XKR9: variants seen among roughly 807,000 people sequenced by gnomAD.
XKR9 encodes XK related 9.
In XKR9, 32 loss-of-function variants were observed where a neutral mutation model predicts 32.0. That is an observed-to-expected ratio of 1.00 (90% CI 0.76 to 1.34). The LOEUF is 1.34. Ranked by LOEUF, XKR9 falls within the 40% of genes most tolerant of loss-of-function variation. The probability of loss-of-function intolerance (pLI) is 0.00; values close to 1 mark genes in which losing one functional copy is unlikely to be tolerated. For missense variants in XKR9, 546 were observed against 429.7 expected (o/e 1.27, Z -2.39); for synonymous variants, 168 against 143.4 (o/e 1.17, Z -1.22).
chr8:71,054,750 A>G, the XKR9 span, among the ~76,000 whole-genome samples: 1 of 152,200 alleles, frequency 6.6e-6, no homozygotes, highest in Non-Finnish European at 1.5e-5. Flanking sequence ...ATTGAACTAA[A>G]GGGTTAAGTC....
In XKR9 at chr8:70,763,302, C is replaced by T. The variant is rs1807331954; in HGVS notation, n.353-26037C>T. The stretch of plus-strand genomic sequence containing the variant: ...AAAATATCGTGAGGCAGTGGCCTTG[C>T]TTACTTAGTTCACATGTTTGTGGAC... On this transcript the variant is annotated intron_variant and non_coding_transcript_variant, in intron 2 of 3. Coordinates refer to the XKR9 transcript ENST00000520273. 2.0e-5 allele frequency among the ~76,000 whole-genome samples: 3 copies of T among 152,256 alleles called. No homozygotes were observed. In the South Asian group the frequency reaches 6.2e-4, roughly 32 times the overall value.
the XKR9 span, among the ~76,000 whole-genome samples, chr8:71,001,109 G>A: frequency 1.4e-3 from 212 of 152,256 alleles, no homozygotes; most frequent in Admixed American, 1.9e-3. Flanking sequence ...ATGGATAGTG[G>A]ATCAAGCACA....
At chr8:70,965,440 A>G in the XKR9 span, among the ~76,000 whole-genome samples, 1 of 152,094 alleles carries the variant, frequency 6.6e-6, no homozygotes, top group African/African-American at 2.4e-5. Context: ...TCAGGTTTTG[A>G]TATCAGGATG....
At chr8:70,810,873 CA>C in the XKR9 span, among the ~76,000 whole-genome samples, 1 of 152,136 alleles carries the variant, frequency 6.6e-6, no homozygotes, top group African/African-American at 2.4e-5. Context: ...CAACATTAGA[CA>C]GATCAACGAG....
chr8:70,741,132 C>CTTTGTTT (rs1472948825), intron 2 of XKR9, among the ~76,000 whole-genome samples: 3 of 152,256 alleles, frequency 2.0e-5, no homozygotes, highest in African/African-American at 7.2e-5. Context: ...CCAGTTCGAG[C>CTTTGTTT]ATCTGGGCTG....
intron 3 of XKR9, among the ~76,000 whole-genome samples, chr8:70,691,918 A>C (rs1805084178): frequency 6.6e-6 from 1 of 152,106 alleles, no homozygotes; most frequent in African/African-American, 2.4e-5. Flanking sequence ...GTTCCATATA[A>C]ATTTTAAATA....
chr8:70,900,694 G>T, the XKR9 span, among the ~76,000 whole-genome samples: 5 of 152,082 alleles, frequency 3.3e-5, no homozygotes, highest in Non-Finnish European at 7.3e-5. Flanking sequence ...AAGTTCTAGG[G>T]TACATGGGTG....
chr8:70,828,859 A>G, the XKR9 span, among the ~76,000 whole-genome samples: 2 of 152,188 alleles, frequency 1.3e-5, no homozygotes, highest in African/African-American at 2.4e-5. Flanking sequence ...TCCTGAGAAT[A>G]AAGTCAAGTC....
At chr8:70,891,967 G>A in the XKR9 span, among the ~76,000 whole-genome samples, 3 of 151,940 alleles carry the variant, frequency 2.0e-5, no homozygotes, top group African/African-American at 7.2e-5. Context: ...ATTTACAATT[G>A]TTATATGCTT....
At chr8:71,013,817 G>A in the XKR9 span, among the ~76,000 whole-genome samples, 2 of 152,122 alleles carry the variant, frequency 1.3e-5, no homozygotes, top group African/African-American at 4.8e-5. Flanking sequence ...TGATGCTAAT[G>A]TGCTCTCCAA....
At chr8:70,869,345 G>A in the XKR9 span, among the ~76,000 whole-genome samples, 1 of 152,196 alleles carries the variant, frequency 6.6e-6, no homozygotes, top group African/African-American at 2.4e-5. Context: ...CATGGCTGGG[G>A]AGGCCTCATT....
In XKR9 at chr8:70,757,494, G is replaced by A. The variant is rs545870600; in HGVS notation, n.353-31845G>A. 3.2e-4 allele frequency among the ~76,000 whole-genome samples: 49 copies of A among 151,748 alleles called. 1 individual carries two copies. Among genetic ancestry groups the A allele is most frequent in the Middle Eastern group, 3.4e-3 (1 of 294 alleles). On this transcript the variant is annotated intron_variant and non_coding_transcript_variant, in intron 2 of 3. Transcript: ENST00000520273. ...CTTTTTAAAAAAATTTCTATTTATT[G>A]GTATTCTCTATTTGGTATAATATTG...
chr8:70,910,382 AG>A, the XKR9 span, among the ~76,000 whole-genome samples: 1 of 152,286 alleles, frequency 6.6e-6, no homozygotes, highest in East Asian at 1.9e-4. Context: ...CTCAAATCTC[AG>A]CTTTTCTACT....
chr8:70,720,009 C>T (rs1457940588), intron 4 of XKR9, among the ~76,000 whole-genome samples: 1 of 151,962 alleles, frequency 6.6e-6, no homozygotes, highest in Non-Finnish European at 1.5e-5. Flanking sequence ...TGAAGAGGTC[C>T]TTTGCATGCC....
chr8:70,987,719 C>T, the XKR9 span, among the ~76,000 whole-genome samples: 2 of 152,210 alleles, frequency 1.3e-5, no homozygotes, highest in African/African-American at 4.8e-5. Context: ...CTCACAGCTC[C>T]ACTAGGCAGT....
chr8:70,928,781 C>T, the XKR9 span, among the ~76,000 whole-genome samples: 1 of 152,146 alleles, frequency 6.6e-6, no homozygotes, highest in Non-Finnish European at 1.5e-5. Context: ...CTGGCACAGA[C>T]ATAGGATTGC....
the XKR9 span, among the ~76,000 whole-genome samples, chr8:70,901,998 A>G: frequency 3.3e-5 from 5 of 152,074 alleles, no homozygotes; most frequent in African/African-American, 1.2e-4. Context: ...TGAGGTCTCC[A>G]TTTTGTTCCA....
chr8:70,881,412 CAAATTTACAAG>C, the XKR9 span, among the ~76,000 whole-genome samples: 2 of 151,994 alleles, frequency 1.3e-5, no homozygotes, highest in Non-Finnish European at 2.9e-5. Flanking sequence ...TGAACTCAAA[CAAATTTACAAG>C]AAAAAAACAA....
the XKR9 span, among the ~76,000 whole-genome samples, chr8:71,028,644 G>A: frequency 2.0e-5 from 3 of 152,152 alleles, no homozygotes; most frequent in Non-Finnish European, 2.9e-5. Flanking sequence ...CATAAAAAAT[G>A]TGAGGTAATA....
Sources: allele counts gnomAD v4.1 joint callset (sites outside exome capture counted in the v4.1 genomes callset), GRCh38; gene constraint gnomAD v4.1.1; transcripts MANE v1.5; gene names NCBI Gene and HGNC (gene_info 2026-07-23, HGNC 2026-07-21).